The following CDC14B variants were observed in gnomAD, a reference collection of about 807,000 sequenced individuals.
CDC14B encodes dual specificity protein phosphatase CDC14B.
Under a neutral mutation model 64.2 loss-of-function variants are expected in CDC14B, and 22 were observed. The observed-to-expected ratio is 0.34, with a 90% CI of 0.24 to 0.49. The LOEUF (loss-of-function observed/expected upper bound fraction) is 0.49, where lower values mean the gene tolerates loss of function less well. Among genes scored for constraint, CDC14B ranks in the 20% least tolerant of loss-of-function variants. CDC14B has a pLI of 0.99. For missense variants in CDC14B, 498 were observed against 629.9 expected, an observed-to-expected ratio of 0.79 and a Z score of 2.24; for synonymous variants, 191 against 215.8, an observed-to-expected ratio of 0.89 and a Z score of 1.01.
rs1196624550 is a variant in CDC14B at position 96,551,864 on chromosome 9, A to G, written c.429T>C (p.Tyr143=). The G allele has an allele frequency of 2.5e-6, 4 of 1,607,212 alleles. No individual in the cohort carries two copies. The highest frequency in any genetic ancestry group is 1.7e-6 in the Non-Finnish European group (2 of 1,177,240). Residue 143 remains tyrosine (Y), a synonymous_variant, in exon 5 of 14, where the codon TAT becomes TAC. Transcript: ENST00000375241. ...AFLVGCYMVI[Y]LGRTPEEAYR... Reference sequence around the variant, plus strand: ...ATGCTTCTTCTGGGGTTCTCCCCAAATATATAACCTATGTTTGAAAAAAGA... The same window carrying G: ...ATGCTTCTTCTGGGGTTCTCCCCAAGTATATAACCTATGTTTGAAAAAAGA...
intron 1 of CDC14B, among the ~76,000 whole-genome samples, chr9:96,575,046 CAAAT>C (rs1163596175): frequency 6.6e-6 from 1 of 152,228 alleles, no homozygotes; most frequent in Non-Finnish European, 1.5e-5. Flanking sequence ...GCTGTGACAA[CAAAT>C]AACCCTGAAA....
At chr9:96,549,210 TTACTA>T (rs1841436016) in intron 5 of CDC14B, among the ~76,000 whole-genome samples, 1 of 152,086 alleles carries the variant, frequency 6.6e-6, no homozygotes, top group Non-Finnish European at 1.5e-5. Flanking sequence ...ATAAAATAAA[TTACTA>T]GAAAAATGAA....
At chr9:96,606,527 TTGTGTGTG>T (rs376059971) in intron 1 of CDC14B, among the ~76,000 whole-genome samples, 1,222 of 112,828 alleles carry the variant, frequency 0.011, 20 homozygotes, top group African/African-American at 0.03. Context: ...TACTAAAAGT[TTGTGTGTG>T]TGTGTGTGTG....
intron 4 of CDC14B, among the ~76,000 whole-genome samples, chr9:96,560,289 T>C (rs1317628050): frequency 1.3e-5 from 2 of 152,204 alleles, no homozygotes; most frequent in Admixed American, 6.5e-5. Flanking sequence ...TAGATGGAAC[T>C]TCAGCCATCC....
At chr9:96,524,819 A>G (rs1037889171) in intron 9 of CDC14B, among the ~76,000 whole-genome samples, 7 of 152,226 alleles carry the variant, frequency 4.6e-5, no homozygotes, top group African/African-American at 1.7e-4. Flanking sequence ...CCATACTTGC[A>G]TGAGCCAATT....
chr9:96,494,521 C>T (rs1833167660), intron 13 of CDC14B, among the ~76,000 whole-genome samples: 1 of 150,364 alleles, frequency 6.7e-6, no homozygotes, highest in Non-Finnish European at 1.5e-5. Flanking sequence ...AGCTTTTCTG[C>T]ACATCTCCTG....
At chr9:96,517,662 A>AAAAAAAAG (rs1212228986) in intron 12 of CDC14B, among the ~76,000 whole-genome samples, 2 of 144,210 alleles carry the variant, frequency 1.4e-5, no homozygotes, top group African/African-American at 5.1e-5. Context: ...AAAAAAAAAA[A>AAAAAAAAG]AAGAAGAAGA....
chr9:96,618,568 C>A, intron 1 of CDC14B: 1 of 533,464 alleles, frequency 1.9e-6, no homozygotes, highest in Non-Finnish European at 3.8e-6. Context: ...CGAATGCCAC[C>A]AACGTGACAC....
intron 1 of CDC14B, among the ~76,000 whole-genome samples, chr9:96,580,231 CTTT>C (rs546034661): frequency 7.0e-6 from 1 of 142,274 alleles, no homozygotes. Context: ...GAGAGTGCCA[CTTT>C]TTTTTTTTTT....
At chr9:96,585,347 C>T (rs991082161) in intron 1 of CDC14B, among the ~76,000 whole-genome samples, 3 of 151,952 alleles carry the variant, frequency 2.0e-5, no homozygotes, top group Admixed American at 6.6e-5. Context: ...TGTCCTAATG[C>T]TTTCCCTCCC....
At chr9:96,527,168 G>A (rs1451537141) in intron 9 of CDC14B, among the ~76,000 whole-genome samples, 3 of 152,138 alleles carry the variant, frequency 2.0e-5, no homozygotes, top group African/African-American at 7.2e-5. Flanking sequence ...CACTTTGGGA[G>A]GCCGAGGCAG....
At position 96,501,078 on chromosome 9, in the gene CDC14B, C is replaced by T. The variant is rs959708089; in HGVS notation, c.*2675G>A. The T allele has an allele frequency of 1.7e-4, 26 of 152,422 alleles. No individual in the cohort carries two copies. Among genetic ancestry groups the T allele is most frequent in the African/African-American group, 4.8e-4 (20 of 41,576 alleles). The allele number at this position is 152,422 out of a possible 1,614,324, so 9.4% of individuals were successfully genotyped here. The stretch of plus-strand genomic sequence containing the variant: ...TGGAGGCCGCAGAGCTGCGTGCTGC[C>T]GGGAAGCACTGGCCACGCCAGGCCA... On this transcript the variant is annotated 3_prime_UTR_variant, in exon 14 of 14. Transcript: ENST00000375241.
chr9:96,558,838 GCAAA>G (rs1054615833), intron 4 of CDC14B, among the ~76,000 whole-genome samples: 24 of 152,210 alleles, frequency 1.6e-4, no homozygotes, highest in African/African-American at 4.6e-4. Flanking sequence ...TTGTGAATAA[GCAAA>G]CAAACAAAAG....
intron 12 of CDC14B, 148 bp downstream of exon 12, chr9:96,522,358 C>A: frequency 3.1e-6 from 2 of 635,994 alleles, no homozygotes; most frequent in Non-Finnish European, 5.7e-6. Flanking sequence ...AAGGCCAGCA[C>A]CCCTAGGTTT....
chr9:96,579,370 A>G (rs1053861839), intron 1 of CDC14B, among the ~76,000 whole-genome samples: 4 of 151,650 alleles, frequency 2.6e-5, no homozygotes, highest in African/African-American at 9.7e-5. Flanking sequence ...GGTAGATCAC[A>G]AGGTCAAGAG....
intron 13 of CDC14B, among the ~76,000 whole-genome samples, chr9:96,506,049 G>A (rs1834079492): frequency 6.6e-6 from 1 of 152,198 alleles, no homozygotes; most frequent in Admixed American, 6.5e-5. Flanking sequence ...TTTGGGTGGA[G>A]TCTTCATCCT....
intron 4 of CDC14B, among the ~76,000 whole-genome samples, chr9:96,553,769 AT>A (rs1251874742): frequency 6.6e-6 from 1 of 152,170 alleles, no homozygotes; most frequent in Non-Finnish European, 1.5e-5. Flanking sequence ...TCTCCGATGC[AT>A]GTATGCCTCT....
At chr9:96,550,538 T>C (rs1461714218) in intron 5 of CDC14B, among the ~76,000 whole-genome samples, 1 of 152,254 alleles carries the variant, frequency 6.6e-6, no homozygotes, top group Admixed American at 6.5e-5. Context: ...CAGGCATTTG[T>C]GGTTTATGTA....
intron 1 of CDC14B, among the ~76,000 whole-genome samples, chr9:96,601,349 T>C (rs930438220): frequency 2.0e-5 from 3 of 151,636 alleles, no homozygotes; most frequent in Non-Finnish European, 2.9e-5. Context: ...ATAGAAAAAT[T>C]AGTTGGGCAT....
Sources: allele counts gnomAD v4.1 joint callset (sites outside exome capture counted in the v4.1 genomes callset), GRCh38; gene constraint gnomAD v4.1.1; transcripts MANE v1.5; gene names NCBI Gene and HGNC (gene_info 2026-07-23, HGNC 2026-07-21).